The following DLGAP1 variants were observed in gnomAD, a reference collection of about 807,000 sequenced individuals.
DLGAP1 encodes DLG associated protein 1, also known as disks large-associated protein 1.
In DLGAP1, 11 loss-of-function variants were observed where a neutral mutation model predicts 90.8. The ratio of observed to expected loss-of-function variants is 0.12; its 90% CI spans 0.08 to 0.20. The LOEUF (loss-of-function observed/expected upper bound fraction) is 0.20. Among genes scored for constraint, DLGAP1 ranks in the 10% least tolerant of loss-of-function variants. The probability of loss-of-function intolerance (pLI) is 1.00; values close to 1 mark genes in which losing one functional copy is unlikely to be tolerated. For missense variants in DLGAP1, 1,050 were observed against 1,333.8 expected (o/e 0.79, Z 3.31); for synonymous variants, 558 against 540.7 (o/e 1.03, Z -0.44).
In DLGAP1 at chr18:3,776,115, C is replaced by T. The variant is rs971839581; in HGVS notation, c.1173-33603G>A. Among the ~76,000 whole-genome samples the T allele has an allele frequency of 9.2e-5, 14 of 152,162 alleles. 1 individual carries two copies. The highest frequency in any genetic ancestry group is 6.8e-3 in the Middle Eastern group (2 of 294). On this transcript the variant is annotated intron_variant, in intron 5 of 12. Transcript: ENST00000315677. ...CCAGTGAGCAGCCTGAGGGAAAAGA[C>T]GGGGAAGATGGTAAGTTTGTGCATT...
chr18:3,872,225 C>CAA (rs5822772), intron 4 of DLGAP1, among the ~76,000 whole-genome samples: 122 of 87,080 alleles, frequency 1.4e-3, no homozygotes, highest in Non-Finnish European at 1.8e-3. Flanking sequence ...CTCTCCAAGA[C>CAA]AAAAAAAAAA....
chr18:3,808,120 TTTC>T (rs1450753779), intron 5 of DLGAP1, among the ~76,000 whole-genome samples: 1 of 152,360 alleles, frequency 6.6e-6, no homozygotes, highest in South Asian at 2.1e-4. Context: ...TAGCTGTTTT[TTTC>T]TTTTTTAAAT....
intron 1 of DLGAP1, among the ~76,000 whole-genome samples, chr18:4,191,185 A>C (rs1444463754): frequency 6.6e-6 from 1 of 152,158 alleles, no homozygotes; most frequent in East Asian, 1.9e-4. Context: ...ACAGATGAAA[A>C]TGACATTTTT....
intron 3 of DLGAP1, among the ~76,000 whole-genome samples, chr18:3,910,732 T>C (rs1296170815): frequency 6.6e-6 from 1 of 152,156 alleles, no homozygotes; most frequent in East Asian, 1.9e-4. Context: ...GTAGCAAGCT[T>C]CAATGGAGTG....
chr18:4,271,845 G>A (rs2079291873), intron 1 of DLGAP1, among the ~76,000 whole-genome samples: 2 of 152,064 alleles, frequency 1.3e-5, no homozygotes, highest in African/African-American at 4.8e-5. Flanking sequence ...AATATATTTT[G>A]AGAAGACCTT....
chr18:3,772,225 TTTTC>T (rs1169035744), intron 5 of DLGAP1, among the ~76,000 whole-genome samples: 8 of 150,700 alleles, frequency 5.3e-5, no homozygotes, highest in South Asian at 4.2e-4. Context: ...TCTCTCTTTC[TTTTC>T]TTTCTCTCCT....
In DLGAP1 at chr18:4,182,036, G is replaced by C. The variant is rs149572188; in HGVS notation, c.-266-30749C>G. 8.4e-3 allele frequency among the ~76,000 whole-genome samples: 1,278 copies of C among 152,244 alleles called. 19 individuals carry two copies. The highest frequency in any genetic ancestry group is 0.03 in the African/African-American group (1,233 of 41,550). ...TGGCATGGTGGGGACTGGCTAGGGA[G>C]ACCATACCCATCTTTCCAAAGCAGG... On this transcript the variant is annotated intron_variant, in intron 1 of 12. Transcript: ENST00000315677.
intron 9 of DLGAP1, among the ~76,000 whole-genome samples, chr18:3,539,008 T>C (rs1219469448): frequency 6.6e-6 from 1 of 152,200 alleles, no homozygotes; most frequent in Non-Finnish European, 1.5e-5. Flanking sequence ...ATTAAAATGG[T>C]TTGGGATTAA....
chr18:3,917,915 G>C (rs185619384), intron 3 of DLGAP1, among the ~76,000 whole-genome samples: 1 of 152,254 alleles, frequency 6.6e-6, no homozygotes, highest in East Asian at 1.9e-4. Flanking sequence ...GGGTAGTGGT[G>C]GTGGTGAAGA....
intron 10 of DLGAP1, among the ~76,000 whole-genome samples, chr18:3,531,750 T>C (rs2052019663): frequency 6.6e-6 from 1 of 152,144 alleles, no homozygotes; most frequent in South Asian, 2.1e-4. Context: ...CCCAAAGTGC[T>C]AGGATTATAG....
chr18:4,268,040 TG>T (rs2079169754), intron 1 of DLGAP1, among the ~76,000 whole-genome samples: 1 of 151,782 alleles, frequency 6.6e-6, no homozygotes, highest in South Asian at 2.1e-4. Flanking sequence ...CAGGAGAGGG[TG>T]GTGAGCAGAG....
At chr18:4,269,440 G>A (rs918030123) in intron 1 of DLGAP1, among the ~76,000 whole-genome samples, 4 of 149,558 alleles carry the variant, frequency 2.7e-5, no homozygotes, top group South Asian at 4.2e-4. Context: ...TGCAAGCTCT[G>A]CCTGCCGGGC....
At chr18:3,602,093 T>G (rs2057070518) in intron 7 of DLGAP1, among the ~76,000 whole-genome samples, 1 of 152,186 alleles carries the variant, frequency 6.6e-6, no homozygotes, top group African/African-American at 2.4e-5. Context: ...AGCTCCGTGC[T>G]ATGTACAAGC....
intron 2 of DLGAP1, among the ~76,000 whole-genome samples, chr18:4,129,881 A>T (rs2076287759): frequency 1.3e-5 from 2 of 152,234 alleles, no homozygotes; most frequent in South Asian, 4.1e-4. Context: ...GTAAAGAACT[A>T]GATTTCACAT....
chr18:3,863,936 G>C (rs772957137), intron 4 of DLGAP1, among the ~76,000 whole-genome samples: 6 of 152,180 alleles, frequency 3.9e-5, no homozygotes, highest in Non-Finnish European at 7.3e-5. Flanking sequence ...GGGCAACTTG[G>C]GTACCTTAGA....
chr18:3,770,609 T>C (rs1395845704), intron 5 of DLGAP1, among the ~76,000 whole-genome samples: 2 of 151,936 alleles, frequency 1.3e-5, no homozygotes, highest in Non-Finnish European at 1.5e-5. Flanking sequence ...AGAAAATAAC[T>C]ACTCATTCAT....
Position 4,291,524 on chromosome 18 carries a change from A to G in DLGAP1, c.-266-140237T>C, listed in dbSNP as rs187450176. ...GTATACATATATGGCAGTTTCTTAA[A>G]TAATAAATTTTGGATTATTTTATAC... is the stretch of plus-strand genomic sequence containing the variant. On this transcript the variant is annotated intron_variant, in intron 1 of 12. Transcript: ENST00000315677. 1.0e-3 allele frequency among the ~76,000 whole-genome samples: 157 copies of G among 152,276 alleles called. 1 individual carries two copies. The highest frequency in any genetic ancestry group is 3.6e-3 in the African/African-American group (149 of 41,538).
At chr18:3,579,661 G>C (rs907142643) in intron 8 of DLGAP1, among the ~76,000 whole-genome samples, 6 of 152,194 alleles carry the variant, frequency 3.9e-5, no homozygotes, top group Non-Finnish European at 5.9e-5. Context: ...TTTGATAGAA[G>C]AACACTTTTA....
chr18:4,068,913 T>G (rs1412417807), intron 2 of DLGAP1, among the ~76,000 whole-genome samples: 2 of 152,264 alleles, frequency 1.3e-5, no homozygotes, highest in East Asian at 3.9e-4. Flanking sequence ...TGATTATTAG[T>G]AGAGCTTAAT....
Sources: gnomAD v4.1 joint callset for allele counts (sites outside exome capture counted in the v4.1 genomes callset) on GRCh38, gnomAD v4.1.1 for gene constraint, MANE v1.5 for transcripts, NCBI Gene and HGNC (gene_info 2026-07-23, HGNC 2026-07-21) for gene names.